The following STYXL1 variants were observed in gnomAD, a reference collection of about 807,000 sequenced individuals.
The protein encoded by STYXL1 is serine/threonine/tyrosine interacting like 1, also known as serine/threonine/tyrosine-interacting-like protein 1.
Under a neutral mutation model 36.4 loss-of-function variants are expected in STYXL1, and 32 were observed. The ratio of observed to expected loss-of-function variants is 0.88; its 90% CI spans 0.66 to 1.18. The LOEUF (loss-of-function observed/expected upper bound fraction) is 1.18, where lower values mean the gene tolerates loss of function less well. STYXL1 is among the 50% of genes most tolerant of loss of function. The pLI, the probability that STYXL1 is intolerant of heterozygous loss-of-function variation, is 0.00. For synonymous variants in STYXL1, 133 were observed against 144.1 expected (o/e 0.92, Z 0.55); for missense variants, 354 against 394.1 (o/e 0.90, Z 0.86).
chr7:76,040,781 A>G (rs1264845947), intron 1 of STYXL1, among the ~76,000 whole-genome samples: 1 of 151,680 alleles, frequency 6.6e-6, no homozygotes, highest in Non-Finnish European at 1.5e-5. Context: ...GGTTGCAGTG[A>G]GCTGAAATCG....
intron 5 of STYXL1, among the ~76,000 whole-genome samples, chr7:76,007,477 C>A (rs890739010): frequency 6.6e-6 from 1 of 152,050 alleles, no homozygotes. Flanking sequence ...AAATACTACA[C>A]CATCTTGTAT....
chr7:76,002,469 C>A (rs1401238212), intron 7 of STYXL1, among the ~76,000 whole-genome samples: 2 of 152,190 alleles, frequency 1.3e-5, no homozygotes, highest in East Asian at 1.9e-4. Context: ...AGGAACTGAG[C>A]ATGCAGTTTA....
chr7:76,047,391 C>T (rs1563537723), intron 1 of STYXL1, among the ~76,000 whole-genome samples: 1 of 152,228 alleles, frequency 6.6e-6, no homozygotes, highest in Non-Finnish European at 1.5e-5. Flanking sequence ...AAAGCAGAAA[C>T]AGTGGGACCG....
At chr7:76,008,598 C>T (rs940935014) in intron 5 of STYXL1, among the ~76,000 whole-genome samples, 2 of 152,202 alleles carry the variant, frequency 1.3e-5, no homozygotes, top group Non-Finnish European at 2.9e-5. Flanking sequence ...TGCATGACCC[C>T]CCACTGCCTG....
intron 4 of STYXL1, among the ~76,000 whole-genome samples, chr7:76,017,881 A>AAAAAAAAAAAAAAAAAAAAAT (rs1793587430): frequency 7.5e-6 from 1 of 133,930 alleles, no homozygotes; most frequent in South Asian, 2.5e-4. Flanking sequence ...AAAAAAAAAA[A>AAAAAAAAAAAAAAAAAAAAAT]GGCAAGACAG....
chr7:76,024,375 A>G (rs1368057213), intron 3 of STYXL1, among the ~76,000 whole-genome samples: 2 of 152,062 alleles, frequency 1.3e-5, no homozygotes, highest in African/African-American at 4.8e-5. Flanking sequence ...TCCCAGCACT[A>G]TGGGAGGCTG....
rs1197309175 is a variant in STYXL1, at chr7:76,027,067, G to GA, written c.165+1574dup. ...GACAGGGAGAGATTCTGTCTCAAAA[G>GA]AAAAAAAAAAAGAATAAAGAAAAGA... is the stretch of plus-strand genomic sequence containing the variant. On this transcript the variant is annotated intron_variant, in intron 3 of 8. Transcript: ENST00000359697. 8.9e-3 allele frequency among the ~76,000 whole-genome samples: 1,205 copies of GA among 136,056 alleles called. 11 individuals are homozygous for GA. The highest frequency in any genetic ancestry group is 0.027 in the African/African-American group (1,018 of 37,312). 89.3% of individuals were successfully genotyped at this position (136,056 alleles called of 152,430 possible).
intron 8 of STYXL1, among the ~76,000 whole-genome samples, chr7:75,997,124 G>A (rs1446395893): frequency 2.0e-5 from 3 of 152,182 alleles, no homozygotes; most frequent in Non-Finnish European, 4.4e-5. Context: ...CAAGAGTGGT[G>A]CCTAAAACTA....
At chr7:76,024,902 T>TG (rs1794492173) in intron 3 of STYXL1, among the ~76,000 whole-genome samples, 1 of 131,376 alleles carries the variant, frequency 7.6e-6, no homozygotes. Context: ...TGAGCCAAGA[T>TG]CGTACCACTG....
intron 1 of STYXL1, among the ~76,000 whole-genome samples, chr7:76,032,422 G>T (rs1165019150): frequency 2.0e-5 from 3 of 148,846 alleles, no homozygotes; most frequent in Non-Finnish European, 4.5e-5. Context: ...AAAGAAGGAG[G>T]AGGATCAGCT....
At chr7:76,027,320 A>G (rs963652816) in intron 3 of STYXL1, among the ~76,000 whole-genome samples, 1 of 151,830 alleles carries the variant, frequency 6.6e-6, no homozygotes, top group Non-Finnish European at 1.5e-5. Context: ...ACAGGAGGGG[A>G]ATGGAAGAGG....
chr7:76,041,214 AC>A (rs1329379405), intron 1 of STYXL1, among the ~76,000 whole-genome samples: 1 of 152,064 alleles, frequency 6.6e-6, no homozygotes, highest in African/African-American at 2.4e-5. Flanking sequence ...ATAGTAAAAT[AC>A]TTCACTTGAT....
intron 5 of STYXL1, among the ~76,000 whole-genome samples, chr7:76,013,325 C>CA (rs782742797): frequency 0.24 from 19,030 of 80,432 alleles, 1,810 homozygotes; most frequent in East Asian, 0.42. Context: ...GACTCCGTCT[C>CA]AAAAAAAAAA....
chr7:76,017,944 G>A (rs1406218979), intron 4 of STYXL1, among the ~76,000 whole-genome samples: 4 of 150,936 alleles, frequency 2.7e-5, no homozygotes, highest in Non-Finnish European at 4.4e-5. Flanking sequence ...TCACTACCTG[G>A]GTGATGGGTT....
rs1463883629 is a variant in STYXL1, at chr7:76,005,809, GAGA to G, written c.454-408_454-406del. On this transcript the variant is annotated intron_variant, in intron 5 of 8. Transcript: ENST00000359697. ...CAGAATTTAAGCATCGAGAGAGAGA[GAGA>G]AGGAGGAGGAGGAGGAAGAGAGAGG... 6.7e-4 allele frequency among the ~76,000 whole-genome samples: 100 copies of G among 149,548 alleles called. 1 individual carries two copies. The highest frequency in any genetic ancestry group is 6.5e-3 in the Admixed American group (96 of 14,780).
At chr7:76,036,740 G>T in intron 1 of STYXL1, among the ~76,000 whole-genome samples, 1 of 145,090 alleles carries the variant, frequency 6.9e-6, no homozygotes, top group South Asian at 2.2e-4. Flanking sequence ...GCAAATTTAA[G>T]ACATCCTCCT....
chr7:76,037,527 G>A (rs961662211), intron 1 of STYXL1, among the ~76,000 whole-genome samples: 4 of 150,026 alleles, frequency 2.7e-5, no homozygotes, highest in Admixed American at 6.7e-5. Context: ...GACTAAGCAG[G>A]GACCCAGCCA....
chr7:76,025,235 G>GGAA (rs1412548400), intron 3 of STYXL1, among the ~76,000 whole-genome samples: 4 of 151,578 alleles, frequency 2.6e-5, no homozygotes, highest in African/African-American at 9.7e-5. Context: ...AGCTAGAGAG[G>GGAA]GAAGGCAAGA....
At chr7:75,997,690 T>A (rs1790308016) in intron 8 of STYXL1, among the ~76,000 whole-genome samples, 1 of 152,050 alleles carries the variant, frequency 6.6e-6, no homozygotes, top group Admixed American at 6.6e-5. Flanking sequence ...GAAGATGACA[T>A]GATTTCATAT....
Sources: allele counts gnomAD v4.1 joint callset (sites outside exome capture counted in the v4.1 genomes callset), GRCh38; gene constraint gnomAD v4.1.1; transcripts MANE v1.5; gene names NCBI Gene and HGNC (gene_info 2026-07-23, HGNC 2026-07-21).